Variants in UGT1A10 observed in about 807,000 individuals in gnomAD.
The protein encoded by UGT1A10 is UDP-glucuronosyltransferase 1A10.
UGT1A10 carries 49 observed loss-of-function variants against 45.8 expected under a neutral mutation model. The ratio of observed to expected loss-of-function variants is 1.07; its 90% CI spans 0.85 to 1.36. UGT1A10 has a LOEUF of 1.36. Ranked by LOEUF, UGT1A10 falls within the 40% of genes most tolerant of loss-of-function variation. The pLI, the probability that UGT1A10 is intolerant of heterozygous loss-of-function variation, is 0.00. For synonymous variants in UGT1A10, 284 were observed against 249.7 expected, an observed-to-expected ratio of 1.14 and a Z score of -1.29; for missense variants, 745 against 668.6, an observed-to-expected ratio of 1.11 and a Z score of -1.26.
rs142662851 is a variant in UGT1A10 at position 233,637,315 on chromosome 2, G to T, written c.793G>T (p.Val265Leu). 3 of 1,613,896 alleles carry T rather than the reference G, an allele frequency of 1.9e-6. No individual in the cohort carries two copies. The highest frequency in any genetic ancestry group is 2.2e-5 in the East Asian group (1 of 44,888). The change falls in exon 1 of 5, where the codon GTG becomes TTG. Residue 265 changes from valine to leucine, a missense_variant. Val to Leu is a conservative substitution (Grantham distance 32, BLOSUM62 1). Coordinates refer to ENST00000344644, the MANE Select transcript of UGT1A10 (RefSeq NM_019075.4). ...CTTTGTTTTGGACTATCCCAAACCC[G>T]TGATGCCCAACATGATCTTCATTGG... ...TDFVLDYPKP[V>L]MPNMIFIGGI...
rs375204962 is a variant in UGT1A10, at chr2:233,760,376, T to C, written c.856-6658T>C. The C allele has an allele frequency of 6.2e-6, 10 of 1,614,042 alleles. No individual in the cohort carries two copies. In the African/African-American group the frequency reaches 6.7e-5, roughly 11 times the overall value. ...CCAGTGGTGTCCCATGCTGGGAAGA[T>C]ACTGTTGATCCCAGTGGATGGCAGC... On this transcript the variant is annotated intron_variant, in intron 1 of 4. Coordinates refer to ENST00000344644, the MANE Select transcript of UGT1A10 (RefSeq NM_019075.4).
chr2:233,732,934 A>G (rs1157775359), intron 1 of UGT1A10, among the ~76,000 whole-genome samples: 1 of 152,018 alleles, frequency 6.6e-6, no homozygotes, highest in Non-Finnish European at 1.5e-5. Context: ...GATTCTTCCT[A>G]TCCATGAGCA....
intron 1 of UGT1A10, chr2:233,760,872 G>C: frequency 6.2e-7 from 1 of 1,614,112 alleles, no homozygotes; most frequent in Non-Finnish European, 8.5e-7. Context: ...ACGTGCCCAG[G>C]CCTCTCTCCT....
chr2:233,768,209 T>C lies in UGT1A10; in HGVS notation c.1076-11T>C, dbSNP rs765320155. 1 of 1,614,150 alleles carries C rather than the reference T, an allele frequency of 6.2e-7. No individual in the cohort carries two copies. Among genetic ancestry groups the C allele is most frequent in the Admixed American group, 1.7e-5 (1 of 60,012 alleles). On this transcript the variant is annotated splice_polypyrimidine_tract_variant and intron_variant, in intron 3 of 4. Transcript: ENST00000344644. ...TGTAACTGCTGACATCCTCCCTATT[T>C]TGCATCTCAGGTCACCCGATGACCC...
At position 233,660,502 on chromosome 2, in the gene UGT1A10, T is replaced by C. The variant is rs149390402; in HGVS notation, c.855+23125T>C. On this transcript the variant is annotated intron_variant, in intron 1 of 4. Transcript: ENST00000344644. Reference sequence around the variant, plus strand: ...TTCAGAGACAAAGCGTTGGTTTTCATGGAACCAGTTTGGAAAAAGTGTTTC... The same window carrying C: ...TTCAGAGACAAAGCGTTGGTTTTCACGGAACCAGTTTGGAAAAAGTGTTTC... Among the ~76,000 whole-genome samples, 290 of 152,308 alleles carry C rather than the reference T, an allele frequency of 1.9e-3. 1 individual carries two copies. The highest frequency in any genetic ancestry group is 3.6e-3 in the Non-Finnish European group (247 of 68,004).
intron 1 of UGT1A10, among the ~76,000 whole-genome samples, chr2:233,662,018 C>T (rs1004026511): frequency 3.3e-5 from 5 of 152,112 alleles, no homozygotes; most frequent in Non-Finnish European, 7.4e-5. Context: ...ACTTGCAACA[C>T]TTGAACTCCC....
chr2:233,688,606 C>G (rs1414211469), intron 1 of UGT1A10, among the ~76,000 whole-genome samples: 3 of 152,254 alleles, frequency 2.0e-5, no homozygotes, highest in South Asian at 4.1e-4. Flanking sequence ...CAGAATAACA[C>G]CCTCAGCAAA....
chr2:233,718,918 T>G (rs778450561), intron 1 of UGT1A10: 2 of 1,614,094 alleles, frequency 1.2e-6, no homozygotes, highest in Non-Finnish European at 1.7e-6. Context: ...AAGGTGTTGG[T>G]GGTGCCCACT....
intron 1 of UGT1A10, among the ~76,000 whole-genome samples, chr2:233,706,094 T>TA (rs141668784): frequency 0.11 from 16,459 of 151,402 alleles, 1,013 homozygotes; most frequent in South Asian, 0.2. Flanking sequence ...GATTCTGTCT[T>TA]AAAAAAAAAC....
At chr2:233,681,271 C>T (rs141901826) in intron 1 of UGT1A10, among the ~76,000 whole-genome samples, 1 of 152,050 alleles carries the variant, frequency 6.6e-6, no homozygotes, top group African/African-American at 2.4e-5. Flanking sequence ...TAGTGGCTCA[C>T]GCCTGTAATC....
intron 1 of UGT1A10, among the ~76,000 whole-genome samples, chr2:233,698,456 A>G (rs1354773136): frequency 2.0e-5 from 3 of 152,236 alleles, no homozygotes; most frequent in African/African-American, 7.2e-5. Context: ...GATCATAGAA[A>G]ATGAAGCCCT....
intron 1 of UGT1A10, among the ~76,000 whole-genome samples, chr2:233,658,060 C>T (rs1453141498): frequency 6.6e-6 from 1 of 150,780 alleles, no homozygotes. Context: ...ACTCTGTCAC[C>T]CAGGCTGGAG....
intron 1 of UGT1A10, chr2:233,730,094 A>C: frequency 6.3e-7 from 1 of 1,593,062 alleles, no homozygotes; most frequent in Non-Finnish European, 8.5e-7. Flanking sequence ...ATCTTTCCAA[A>C]TATTTCATTT....
At chr2:233,747,950 G>A in intron 1 of UGT1A10, 1 of 1,613,378 alleles carries the variant, frequency 6.2e-7, no homozygotes, top group Non-Finnish European at 8.5e-7. Flanking sequence ...TGTCAGTGGT[G>A]GATCTTCTCA....
intron 1 of UGT1A10, among the ~76,000 whole-genome samples, chr2:233,766,606 C>T (rs961105676): frequency 6.6e-6 from 1 of 152,198 alleles, no homozygotes; most frequent in Non-Finnish European, 1.5e-5. Context: ...GGACCACACC[C>T]TCTTCTACCC....
chr2:233,729,125 A>G lies in UGT1A10; in HGVS notation c.856-37909A>G, dbSNP rs760047362. On this transcript the variant is annotated intron_variant, in intron 1 of 4. Transcript: ENST00000344644. ...AGTCAGCTGTCCGTGTCTTCTGCTG[A>G]GATGGCCACAGGACTCCAGGTTCCC... 5 of 1,613,014 alleles carry G rather than the reference A, an allele frequency of 3.1e-6. No individual in the cohort carries two copies. The African/African-American group carries it at 6.7e-5, about 22-fold the overall frequency.
chr2:233,747,371 C>T (rs757857857), intron 1 of UGT1A10: 1 of 1,604,152 alleles, frequency 6.2e-7, no homozygotes, highest in East Asian at 2.2e-5. Flanking sequence ...AGCTCCATGC[C>T]AGAGGCCACC....
At chr2:233,756,346 C>T (rs1696189939) in intron 1 of UGT1A10, 1 of 152,136 alleles carries the variant, frequency 6.6e-6, no homozygotes, top group South Asian at 2.1e-4. Context: ...CTCTTGATTA[C>T]TTTTACCTAA....
chr2:233,663,219 CAG>C (rs1461844993), intron 1 of UGT1A10, among the ~76,000 whole-genome samples: 3 of 152,158 alleles, frequency 2.0e-5, no homozygotes, highest in African/African-American at 7.2e-5. Flanking sequence ...TATAACAAGA[CAG>C]GGGAATTGCA....
Sources: allele counts gnomAD v4.1 joint callset (sites outside exome capture counted in the v4.1 genomes callset), GRCh38; gene constraint gnomAD v4.1.1; transcripts MANE v1.5; gene names NCBI Gene and HGNC (gene_info 2026-07-23, HGNC 2026-07-21).